The following NUP214 variants were observed in gnomAD, a reference collection of about 807,000 sequenced individuals.
NUP214 encodes nucleoporin 214, also known as nuclear pore complex protein Nup214.
Under a neutral mutation model 196.2 loss-of-function variants are expected in NUP214, and 79 were observed. The ratio of observed to expected loss-of-function variants is 0.40; its 90% CI spans 0.34 to 0.49. The LOEUF (loss-of-function observed/expected upper bound fraction) is 0.49, where lower values mean the gene tolerates loss of function less well. Ranked by LOEUF, NUP214 falls within the 20% of genes least tolerant of loss-of-function variation. The pLI is 0.58. For synonymous variants in NUP214, 1,020 were observed against 990.5 expected (o/e 1.03, Z -0.56); for missense variants, 2,468 against 2,539.0 (o/e 0.97, Z 0.60).
At chr9:131,203,750 C>T (rs549056886) in intron 30 of NUP214, among the ~76,000 whole-genome samples, 1 of 152,182 alleles carries the variant, frequency 6.6e-6, no homozygotes, top group African/African-American at 2.4e-5. Context: ...TTAAAAGCAC[C>T]AATAAACTAA....
chr9:131,153,521 C>G (rs1832336666), intron 17 of NUP214, among the ~76,000 whole-genome samples: 1 of 152,180 alleles, frequency 6.6e-6, no homozygotes, highest in African/African-American at 2.4e-5. Flanking sequence ...GGCATCCGCT[C>G]TGCATCCGAG....
At chr9:131,163,375 G>T in intron 19 of NUP214, 1 of 550,028 alleles carries the variant, frequency 1.8e-6, no homozygotes. Context: ...TGGGATTGTT[G>T]GAGAGTTAAA....
At chr9:131,159,871 A>G (rs76648570) in intron 18 of NUP214, among the ~76,000 whole-genome samples, 1 of 151,954 alleles carries the variant, frequency 6.6e-6, no homozygotes, top group African/African-American at 2.4e-5. Context: ...AAAAAAAAAA[A>G]CAAGAAAGAG....
At chr9:131,135,488 T>A (rs1831698035) in intron 8 of NUP214, among the ~76,000 whole-genome samples, 2 of 152,230 alleles carry the variant, frequency 1.3e-5, no homozygotes, top group South Asian at 4.1e-4. Flanking sequence ...TTATTTATCT[T>A]AAATACATAC....
Position 131,197,851 on chromosome 9 carries a change from T to C in NUP214, c.4357T>C (p.Ser1453Pro). 6.2e-7 allele frequency: 1 copy of C among 1,613,384 alleles called. No homozygotes were observed. The highest frequency in any genetic ancestry group is 8.5e-7 in the Non-Finnish European group (1 of 1,180,026). Reference protein sequence around the residue: ...SQQTNSTVPPSAPPPTTAATP... With the variant: ...SQQTNSTVPPPAPPPTTAATP... ...ACAGACCAATAGCACAGTGCCCCCA[T>C]CTGCCCCACCACCAACTACAGCTGC... The change falls in exon 29 of 36, where the codon TCT becomes CCT. Residue 1453 changes from serine (S) to proline (P), a missense_variant. Around this residue, in one of 5 missense-constraint regions of NUP214, gnomAD observed 1,801 missense variants for 1,779.4 expected, o/e 1.01. Coordinates refer to ENST00000359428, the MANE Select transcript of NUP214 (RefSeq NM_005085.4).
intron 23 of NUP214, 129 bp downstream of exon 23, chr9:131,175,750 A>G (rs1211796376): frequency 7.6e-7 from 1 of 1,320,798 alleles, no homozygotes; most frequent in East Asian, 2.6e-5. Flanking sequence ...TTGATGTGAC[A>G]GCCCTCTCCC....
chr9:131,192,166 A>ATTTTTTT, intron 26 of NUP214, 42 bp from the exon 27 acceptor site: 1 of 725,708 alleles, frequency 1.4e-6, no homozygotes, highest in Non-Finnish European at 1.9e-6. Context: ...TTTTTGTAAT[A>ATTTTTTT]TTCTTTTTTT....
In NUP214 at chr9:131,178,409, G is replaced by A; in HGVS notation, c.3418G>A (p.Gly1140Ser). 1 of 1,609,402 alleles carries A rather than the reference G, an allele frequency of 6.2e-7. No individual in the cohort carries two copies. Reference sequence around the variant, plus strand: ...CCCTGCAACCCCTTCTACAGCCATGGGGTATGTTCTGACTGCAGTGTGTTT... The same window carrying A: ...CCCTGCAACCCCTTCTACAGCCATGAGGTATGTTCTGACTGCAGTGTGTTT... Reference protein sequence around the residue: ...NNPATPSTAMGSSVPYSTAKT... With the variant: ...NNPATPSTAMSSSVPYSTAKT... The change falls in exon 24 of 36, where the codon GGT becomes AGT. Residue 1140 changes from glycine to serine, a missense_variant and splice_region_variant. Gly to Ser is a moderately conservative substitution (Grantham distance 56). Coordinates refer to ENST00000359428, the MANE Select transcript of NUP214 (RefSeq NM_005085.4).
At position 131,135,942 on chromosome 9, in the gene NUP214, A is replaced by G. The variant is rs1185724363; in HGVS notation, c.941A>G (p.Asp314Gly). ...HYYLSYIEEWDLVLAASAAST... is the reference protein window; with the variant it reads ...HYYLSYIEEWGLVLAASAAST... The stretch of plus-strand genomic sequence containing the variant: ...GGTCTCTGGTTTTATTCTTTAAGGG[A>G]TTTAGTGCTGGCAGCATCTGCGGCT... Residue 314 changes from aspartate to glycine, a missense_variant and splice_region_variant, in exon 9 of 36, where the codon GAT becomes GGT. Around this residue, in one of 5 missense-constraint regions of NUP214, gnomAD observed 392 missense variants for 417.9 expected, o/e 0.94. Transcript: ENST00000359428. 5.6e-6 allele frequency: 9 copies of G among 1,613,376 alleles called. No individual in the cohort carries two copies. Among genetic ancestry groups the G allele is most frequent in the African/African-American group, 1.3e-5 (1 of 75,020 alleles).
intron 16 of NUP214, 80 bp downstream of exon 16, chr9:131,150,845 C>T (rs2133515215): frequency 2.2e-6 from 3 of 1,349,244 alleles, no homozygotes; most frequent in Non-Finnish European, 3.0e-6. Context: ...GGGTTATGTA[C>T]TTTATTTCTT....
intron 32 of NUP214, among the ~76,000 whole-genome samples, chr9:131,223,785 AGTGCAGT>A (rs1192034894): frequency 1.1e-5 from 1 of 94,402 alleles, no homozygotes; most frequent in East Asian, 3.4e-4. Context: ...CCCAGGCTGG[AGTGCAGT>A]GGCGCAATCT....
chr9:131,173,538 A>ATT (rs111676098), intron 21 of NUP214, among the ~76,000 whole-genome samples: 1 of 143,470 alleles, frequency 7.0e-6, no homozygotes, highest in Admixed American at 6.9e-5. Flanking sequence ...AGTCTCTTGT[A>ATT]TTTTTTTTTT....
At chr9:131,179,309 T>C (rs1833201867) in intron 24 of NUP214, among the ~76,000 whole-genome samples, 1 of 152,142 alleles carries the variant, frequency 6.6e-6, no homozygotes, top group Admixed American at 6.5e-5. Flanking sequence ...GCCTAGCTCA[T>C]TTGTCTTTAG....
At chr9:131,152,788 T>A (rs899674760) in intron 17 of NUP214, among the ~76,000 whole-genome samples, 38 of 149,388 alleles carry the variant, frequency 2.5e-4, no homozygotes, top group African/African-American at 8.6e-4. Context: ...GAAAAAAAAT[T>A]TTTTTTTTTT....
chr9:131,176,290 A>G (rs187596209), intron 23 of NUP214, among the ~76,000 whole-genome samples: 13 of 151,218 alleles, frequency 8.6e-5, no homozygotes, highest in Admixed American at 2.0e-4. Flanking sequence ...TCAGTTGAGC[A>G]TTTTTTCTTC....
chr9:131,223,723 A>ATTTATTTATTTATT (rs1554742606), intron 32 of NUP214, among the ~76,000 whole-genome samples: 2 of 18,980 alleles, frequency 1.1e-4, no homozygotes, highest in South Asian at 2.6e-3. Context: ...TTATTTATTT[A>ATTTATTTATTTATT]TTTATTTTTT....
intron 18 of NUP214, among the ~76,000 whole-genome samples, chr9:131,161,024 G>A (rs763557383): frequency 1.3e-5 from 2 of 152,222 alleles, no homozygotes; most frequent in Non-Finnish European, 2.9e-5. Flanking sequence ...TCTGCTCAAT[G>A]GTTGTATTTC....
At chr9:131,199,194 G>T (rs935937063) in intron 29 of NUP214, among the ~76,000 whole-genome samples, 179 bp downstream of exon 29, 16 of 152,170 alleles carry the variant, frequency 1.1e-4, no homozygotes, top group African/African-American at 3.6e-4. Context: ...TAATTGGCTG[G>T]ATCTGTTACA....
intron 30 of NUP214, among the ~76,000 whole-genome samples, chr9:131,213,401 C>T (rs964969434): frequency 6.6e-6 from 1 of 152,066 alleles, no homozygotes; most frequent in Non-Finnish European, 1.5e-5. Context: ...TCTTGAGCTC[C>T]CGACCTCAGG....
Sources: allele counts gnomAD v4.1 joint callset (sites outside exome capture counted in the v4.1 genomes callset), GRCh38; gene constraint gnomAD v4.1.1; regional missense constraint gnomAD v4.1.1; transcripts MANE v1.5; gene names NCBI Gene and HGNC (gene_info 2026-07-23, HGNC 2026-07-21).